Variants in FLNC observed in about 807,000 individuals in gnomAD.
FLNC encodes the protein filamin-C.
Under a neutral mutation model 254.3 loss-of-function variants are expected in FLNC, and 91 were observed. That is an observed-to-expected ratio of 0.36 (90% CI 0.30 to 0.43). The LOEUF (loss-of-function observed/expected upper bound fraction) is 0.43. Among genes scored for constraint, FLNC ranks in the 20% least tolerant of loss-of-function variants. FLNC has a pLI of 1.00. For missense variants in FLNC, 2,853 were observed against 3,802.6 expected (o/e 0.75, Z 6.57); for synonymous variants, 1,430 against 1,577.2 (o/e 0.91, Z 2.21).
In FLNC at chr7:128,845,975, A is replaced by T; in HGVS notation, c.3791-15A>T. The stretch of plus-strand genomic sequence containing the variant: ...TGCCCCCACCCCTGCTGAACACGCC[A>T]CCCCTGGGCTCCAGGTGTCCTGCGG... On this transcript the variant is annotated splice_polypyrimidine_tract_variant and intron_variant, in intron 21 of 47. Coordinates refer to ENST00000325888, the MANE Select transcript of FLNC (RefSeq NM_001458.5). The T allele has an allele frequency of 6.2e-7, 1 of 1,613,150 alleles. No individual in the cohort carries two copies. The highest frequency in any genetic ancestry group is 1.1e-5 in the South Asian group (1 of 91,072).
chr7:128,840,813 ACCAGCTCCCTCTCTGC>A lies in FLNC; in HGVS notation c.1677-15_1677del. ...TTGGGGGGCACTTCCTGGCATGGAC[ACCAGCTCCCTCTCTGC>A]CCAGCCCCTTTGAGGTACAGGTGAG... On this transcript the variant is annotated splice_region_variant and splice_polypyrimidine_tract_variant and intron_variant, in intron 10 of 47. Coordinates refer to ENST00000325888, the MANE Select transcript of FLNC (RefSeq NM_001458.5). The A allele has an allele frequency of 6.2e-7, 1 of 1,613,552 alleles. No homozygotes were observed. Among genetic ancestry groups the A allele is most frequent in the Non-Finnish European group, 8.5e-7 (1 of 1,179,866 alleles).
In FLNC at chr7:128,854,842, C is replaced by G; in HGVS notation, c.7065C>G (p.Ser2355Arg). Residue 2355 changes from serine to arginine, a missense_variant, in exon 42 of 48, where the codon AGC (serine) becomes AGG (arginine). Around this residue, in one of 10 missense-constraint regions of FLNC, gnomAD observed 551 missense variants for 835.0 expected, o/e 0.66. Transcript: ENST00000325888. The stretch of plus-strand genomic sequence containing the variant: ...TGTCCATTGCTGTGGAGGGTCCTAG[C>G]AAAGCGGAGATTGCATTTGAGGATC... The part of the protein sequence containing the change: ...GGLSIAVEGP[S>R]KAEIAFEDRK... The G allele has an allele frequency of 1.2e-6, 2 of 1,614,048 alleles. No homozygotes were observed. The highest frequency in any genetic ancestry group is 1.7e-6 in the Non-Finnish European group (2 of 1,180,006).
At chr7:128,846,562 CCT>C in intron 23 of FLNC, 99 bp downstream of exon 23, 1 of 1,487,826 alleles carries the variant, frequency 6.7e-7, no homozygotes, top group South Asian at 1.1e-5. Flanking sequence ...CCCACCCCAT[CCT>C]CTCTCAGGGG....
At chr7:128,831,251 C>T (rs1807880017) in intron 1 of FLNC, among the ~76,000 whole-genome samples, 1 of 152,174 alleles carries the variant, frequency 6.6e-6, no homozygotes, top group South Asian at 2.1e-4. Flanking sequence ...CCTCCAGCTG[C>T]CGCCTCCCCA....
At chr7:128,847,482 C>T (rs984036359) in intron 24 of FLNC, among the ~76,000 whole-genome samples, 10 of 152,230 alleles carry the variant, frequency 6.6e-5, no homozygotes, top group Non-Finnish European at 8.8e-5. Flanking sequence ...AGGCCTGGGA[C>T]CCACATGAGT....
chr7:128,853,792 A>G lies in FLNC; in HGVS notation c.6439A>G (p.Ile2147Val). 3.1e-6 allele frequency: 5 copies of G among 1,613,550 alleles called. No homozygotes were observed. The highest frequency in any genetic ancestry group is 4.2e-6 in the Non-Finnish European group (5 of 1,179,970). The change falls in exon 39 of 48, where the codon ATC becomes GTC. Residue 2147 changes from isoleucine (I) to valine (V), a missense_variant. Transcript: ENST00000325888. ...CACCCGGCGGAGACAGGCACCTTCC[A>G]TCGCCACCATCGGCAGCACCTGTGA... ...SITRRRQAPS[I>V]ATIGSTCDLN...
Position 128,847,734 on chromosome 7 carries a change from C to A in FLNC, c.4326C>A (p.Asp1442Glu), listed in dbSNP as rs1458536220. The A allele has an allele frequency of 6.2e-7, 1 of 1,614,122 alleles. No individual in the cohort carries two copies. The highest frequency in any genetic ancestry group is 1.1e-5 in the South Asian group (1 of 91,088). ...GCGTGCCAGTGAAGGATGTGGTGGA[C>A]CCTGGGAAGGTGAAGTGCTCAGGGC... ...PFRVPVKDVVDPGKVKCSGPG... is the reference protein window; with the variant it reads ...PFRVPVKDVVEPGKVKCSGPG... The change falls in exon 25 of 48, where the codon GAC becomes GAA. Residue 1442 changes from aspartate (D) to glutamate (E), a missense_variant. Asp to Glu is a conservative substitution (Grantham distance 45). Transcript: ENST00000325888.
At position 128,840,616 on chromosome 7, in the gene FLNC, G is replaced by T. The variant is rs551472827; in HGVS notation, c.1618G>T (p.Val540Leu). The T allele has an allele frequency of 3.7e-6, 6 of 1,614,248 alleles. No homozygotes were observed. Among genetic ancestry groups the T allele is most frequent in the Non-Finnish European group, 5.1e-6 (6 of 1,180,042 alleles). The stretch of plus-strand genomic sequence containing the variant: ...TGTGTTCGAGTGCGAGTACTACCCG[G>T]TGGTGCCTGGGAAGTATGTGGTGAC... ...DGVFECEYYP[V>L]VPGKYVVTIT... The change falls in exon 10 of 48, where the codon GTG becomes TTG. Residue 540 changes from valine to leucine, a missense_variant. By Grantham distance (32) the Val-to-Leu change is conservative. Transcript: ENST00000325888.
In FLNC at chr7:128,851,131, C is replaced by T. The variant is rs544439452; in HGVS notation, c.5540-101C>T. 628 of 1,587,048 alleles carry T rather than the reference C, an allele frequency of 4.0e-4. 10 individuals carry two copies. The South Asian group carries it at 5.7e-3, about 15-fold the overall frequency. Reference sequence around the variant, plus strand: ...ACCAGCTGGGTCCCTACGGCACAGACGGAGGGGGTTGGCAGGGAGGCTGCT... The same window carrying T: ...ACCAGCTGGGTCCCTACGGCACAGATGGAGGGGGTTGGCAGGGAGGCTGCT... On this transcript the variant is annotated intron_variant, in intron 33 of 47. Coordinates refer to ENST00000325888, the MANE Select transcript of FLNC (RefSeq NM_001458.5).
chr7:128,848,442 GC>G (rs1157649367), intron 26 of FLNC, 118 bp from the exon 27 acceptor site: 13 of 1,105,144 alleles, frequency 1.2e-5, no homozygotes, highest in Non-Finnish European at 1.4e-6. Context: ...CCTCCTCCCT[GC>G]CCCACAGTCC....
rs1031371659 is a variant in FLNC at position 128,856,450 on chromosome 7, G to C, written c.7252-68G>C. On this transcript the variant is annotated intron_variant, in intron 43 of 47. Transcript: ENST00000325888. The surrounding 1 kb of genome is among the most constrained non-coding windows in gnomAD (Gnocchi z 5.9). ...CTGGGCTTACAGTGAGCACCGTGTG[G>C]GGCTTCAGAGAAGACTGCTCCAGCC... The C allele has an allele frequency of 6.3e-7, 1 of 1,592,950 alleles. No individual in the cohort carries two copies. The highest frequency in any genetic ancestry group is 1.3e-5 in the African/African-American group (1 of 74,838).
intron 33 of FLNC, 136 bp from the exon 34 acceptor site, chr7:128,851,096 G>A (rs904450194): frequency 6.6e-7 from 1 of 1,525,934 alleles, no homozygotes; most frequent in African/African-American, 1.4e-5. Context: ...CTGGTGGGAA[G>A]CAGACCTCCA....
intron 32 of FLNC, 24 bp downstream of exon 32, chr7:128,850,507 A>T (rs1808762968): frequency 1.3e-6 from 2 of 1,574,572 alleles, no homozygotes; most frequent in African/African-American, 1.3e-5. Flanking sequence ...GCTCCCAGGC[A>T]TGAGGGCTGA....
At position 128,842,178 on chromosome 7, in the gene FLNC, A is replaced by G; in HGVS notation, c.2122-53A>G. ...CGCTGGGTTCACCTGCGGCCAGCAGAGGGCGCTCTGCAGAGGCCACAGCTA... is the reference window on the plus strand; with the variant it reads ...CGCTGGGTTCACCTGCGGCCAGCAGGGGGCGCTCTGCAGAGGCCACAGCTA... On this transcript the variant is annotated intron_variant, in intron 13 of 47. Transcript: ENST00000325888. The surrounding 1 kb of genome is among the most constrained non-coding windows in gnomAD (Gnocchi z 5.4). 1 of 1,598,490 alleles carries G rather than the reference A, an allele frequency of 6.3e-7. No individual in the cohort carries two copies. Among genetic ancestry groups the G allele is most frequent in the Non-Finnish European group, 8.5e-7 (1 of 1,170,316 alleles).
rs1336872937 is a variant in FLNC at position 128,848,696 on chromosome 7, G to T, written c.4716G>T (p.Gly1572=). The change falls in exon 27 of 48, where the codon GGG becomes GGT. Residue 1572 remains glycine (G), a synonymous_variant. Coordinates refer to ENST00000325888, the MANE Select transcript of FLNC (RefSeq NM_001458.5). The part of the protein sequence containing the change: ...FTIDARDAGE[G]LLTVQILDPE... ...TCGACGCACGGGACGCGGGCGAGGGGTTGCTCACTGTCCAGATCTTGGTGA... is the reference window on the plus strand; with the variant it reads ...TCGACGCACGGGACGCGGGCGAGGGTTTGCTCACTGTCCAGATCTTGGTGA... 1.2e-6 allele frequency: 2 copies of T among 1,613,410 alleles called. No individual in the cohort carries two copies. The highest frequency in any genetic ancestry group is 1.3e-5 in the African/African-American group (1 of 74,924).
Position 128,842,704 on chromosome 7 carries a change from C to T in FLNC, c.2389+6C>T. 2 of 1,557,198 alleles carry T rather than the reference C, an allele frequency of 1.3e-6. No individual in the cohort carries two copies. Among genetic ancestry groups the T allele is most frequent in the Non-Finnish European group, 1.7e-6 (2 of 1,150,098 alleles). On this transcript the variant is annotated splice_donor_region_variant and intron_variant, in intron 15 of 47. Transcript: ENST00000325888. This position sits in a 1 kb window ranked among gnomAD's most constrained non-coding sequence, Gnocchi z 5.4. ...CTGCAGCGAGGCGGGGCAAGGTGCG[C>T]CCAGCCGGAAGGGGTGGGTCTGGGA... is the stretch of plus-strand genomic sequence containing the variant.
At chr7:128,832,752 G>C (rs1399939853) in intron 1 of FLNC, among the ~76,000 whole-genome samples, 1 of 152,230 alleles carries the variant, frequency 6.6e-6, no homozygotes, top group East Asian at 1.9e-4. Flanking sequence ...TGGCTCACTG[G>C]CGCTGATGAG....
Position 128,851,560 on chromosome 7 carries a change from A to T in FLNC, c.5774A>T (p.Asp1925Val). 1 of 1,613,934 alleles carries T rather than the reference A, an allele frequency of 6.2e-7. No individual in the cohort carries two copies. Among genetic ancestry groups the T allele is most frequent in the Non-Finnish European group, 8.5e-7 (1 of 1,180,028 alleles). The change falls in exon 35 of 48, where the codon GAC (aspartate) becomes GTC (valine). Residue 1925 changes from aspartate (D) to valine (V), a missense_variant. Physicochemically the swap from Asp to Val is radical, Grantham distance 152 (BLOSUM62 -3). Around this residue, in one of 10 missense-constraint regions of FLNC, gnomAD observed 551 missense variants for 835.0 expected, o/e 0.66. Coordinates refer to ENST00000325888, the MANE Select transcript of FLNC (RefSeq NM_001458.5). ...TCCTATCTGCCGACTGCGCCTGGAGACTACAGCATCATCGTGCGCTTCGAT... is the reference window on the plus strand; with the variant it reads ...TCCTATCTGCCGACTGCGCCTGGAGTCTACAGCATCATCGTGCGCTTCGAT... ...TVSYLPTAPG[D>V]YSIIVRFDDK...
At chr7:128,843,142 C>A in intron 16 of FLNC, 87 bp from the exon 17 acceptor site, 1 of 1,422,850 alleles carries the variant, frequency 7.0e-7, no homozygotes, top group Non-Finnish European at 9.7e-7. Context: ...CATGCTGGGT[C>A]CCCTGGGTGT....
Sources: gnomAD v4.1 joint callset for allele counts (sites outside exome capture counted in the v4.1 genomes callset) on GRCh38, gnomAD v4.1.1 for gene constraint, gnomAD v4.1.1 regional missense constraint, Gnocchi (gnomAD v3.1) non-coding constraint, MANE v1.5 for transcripts, NCBI Gene and HGNC (gene_info 2026-07-23, HGNC 2026-07-21) for gene names.